The following ANTXR2 variants were observed in gnomAD, a reference collection of about 807,000 sequenced individuals.
ANTXR2 encodes ANTXR cell adhesion molecule 2, also known as anthrax toxin receptor 2.
In ANTXR2, 44 loss-of-function variants were observed where a neutral mutation model predicts 73.7. The observed-to-expected ratio is 0.60, with a 90% CI of 0.47 to 0.77. The LOEUF (loss-of-function observed/expected upper bound fraction) is 0.77. ANTXR2 is among the 30% of genes least tolerant of loss of function. The probability of loss-of-function intolerance (pLI) is 0.00; values close to 1 mark genes in which losing one functional copy is unlikely to be tolerated. For synonymous variants in ANTXR2, 217 were observed against 205.9 expected, an observed-to-expected ratio of 1.05 and a Z score of -0.46; for missense variants, 604 against 592.5, an observed-to-expected ratio of 1.02 and a Z score of -0.20.
chr4:80,035,935 ATT>A (rs1302070855), intron 8 of ANTXR2, 35 bp downstream of exon 8: 14 of 1,484,930 alleles, frequency 9.4e-6, no homozygotes, highest in Non-Finnish European at 1.2e-5. Flanking sequence ...AAAAAATACA[ATT>A]TCTTACATGG....
At chr4:80,016,978 G>A (rs1731902839) in intron 11 of ANTXR2, among the ~76,000 whole-genome samples, 1 of 152,198 alleles carries the variant, frequency 6.6e-6, no homozygotes. Flanking sequence ...CACAGAATTG[G>A]GCTTGATGTT....
chr4:79,935,625 C>T (rs1279611696), intron 16 of ANTXR2, among the ~76,000 whole-genome samples: 2 of 152,306 alleles, frequency 1.3e-5, no homozygotes, highest in African/African-American at 4.8e-5. Context: ...AGATAGTACA[C>T]TGACATTTAT....
At chr4:80,063,954 A>T (rs1734379582) in intron 3 of ANTXR2, among the ~76,000 whole-genome samples, 1 of 152,212 alleles carries the variant, frequency 6.6e-6, no homozygotes, top group African/African-American at 2.4e-5. Context: ...AGACTTACTG[A>T]AAGGAACCTT....
At chr4:80,043,167 T>C (rs993694763) in intron 7 of ANTXR2, among the ~76,000 whole-genome samples, 1 of 152,044 alleles carries the variant, frequency 6.6e-6, no homozygotes, top group African/African-American at 2.4e-5. Flanking sequence ...AATATTCATG[T>C]AACAAAATTA....
chr4:79,989,538 A>T (rs1188579646), intron 12 of ANTXR2, among the ~76,000 whole-genome samples: 1 of 152,134 alleles, frequency 6.6e-6, no homozygotes, highest in Admixed American at 6.6e-5. Context: ...TTCATGGCTG[A>T]ATTCTACCAG....
chr4:79,986,530 G>A (rs1312419422), intron 12 of ANTXR2, among the ~76,000 whole-genome samples: 1 of 152,140 alleles, frequency 6.6e-6, no homozygotes, highest in African/African-American at 2.4e-5. Flanking sequence ...TTTGGGCGTT[G>A]GGACTTGGAT....
intron 12 of ANTXR2, among the ~76,000 whole-genome samples, chr4:80,005,449 C>T (rs1482277511): frequency 6.6e-6 from 1 of 152,084 alleles, no homozygotes; most frequent in Non-Finnish European, 1.5e-5. Context: ...TAATTTAACG[C>T]TACTAAGAAT....
chr4:79,980,054 T>G (rs1271654517), intron 14 of ANTXR2, among the ~76,000 whole-genome samples: 1 of 152,106 alleles, frequency 6.6e-6, no homozygotes, highest in Non-Finnish European at 1.5e-5. Context: ...ACTGGCACTA[T>G]TCTCAGATTA....
intron 16 of ANTXR2, among the ~76,000 whole-genome samples, chr4:79,975,805 GA>G (rs1235993485): frequency 6.6e-6 from 1 of 152,158 alleles, no homozygotes; most frequent in Non-Finnish European, 1.5e-5. Context: ...ATTGGATCAT[GA>G]CAGAGACTGC....
In ANTXR2 at chr4:79,984,806, G is replaced by A; in HGVS notation, c.1086+13C>T. 2 of 1,604,012 alleles carry A rather than the reference G, an allele frequency of 1.2e-6. No individual in the cohort carries two copies. The highest frequency in any genetic ancestry group is 1.7e-6 in the Non-Finnish European group (2 of 1,173,580). On this transcript the variant is annotated intron_variant, in intron 13 of 16. Transcript: ENST00000403729. ...AAAAAACAGCCATATCAGTTTTTTA[G>A]GCACTCACTTACCTCTTTTGGTGCA...
At chr4:80,015,144 C>T (rs906121619) in intron 11 of ANTXR2, among the ~76,000 whole-genome samples, 1 of 152,208 alleles carries the variant, frequency 6.6e-6, no homozygotes, top group Non-Finnish European at 1.5e-5. Context: ...GCCCTGATCA[C>T]TCACGAGATG....
chr4:79,936,194 G>A (rs1171725100), intron 16 of ANTXR2, among the ~76,000 whole-genome samples: 1 of 152,156 alleles, frequency 6.6e-6, no homozygotes, highest in Non-Finnish European at 1.5e-5. Flanking sequence ...GGGTTCAGAT[G>A]TTTTAATCAC....
chr4:79,950,383 A>G (rs1209855206), intron 16 of ANTXR2, among the ~76,000 whole-genome samples: 4 of 152,174 alleles, frequency 2.6e-5, no homozygotes, highest in Non-Finnish European at 2.9e-5. Flanking sequence ...AGGAAGAAAA[A>G]AGGCCACATC....
Position 79,977,650 on chromosome 4 carries a change from A to G in ANTXR2, c.1399T>C (p.Ser467Pro). Residue 467 changes from serine (S) to proline (P), a missense_variant, in exon 16 of 17, where the codon TCT becomes CCT. By Grantham distance (74) the Ser-to-Pro change is moderately conservative (BLOSUM62 -1). Transcript: ENST00000403729. ...ALLRRQYDRVSLMRPQEGDEG... is the reference protein window; with the variant it reads ...ALLRRQYDRVPLMRPQEGDEG... ...TCTCCTTCCTGAGGTCGCATCAAAG[A>G]AACCCGGTCATACTGCCGCCTCAAC... is the stretch of plus-strand genomic sequence containing the variant. 1 of 1,581,728 alleles carries G rather than the reference A, an allele frequency of 6.3e-7. No homozygotes were observed. The highest frequency in any genetic ancestry group is 8.6e-7 in the Non-Finnish European group (1 of 1,162,828).
At chr4:80,020,083 C>T (rs959768919) in intron 10 of ANTXR2, among the ~76,000 whole-genome samples, 3 of 152,062 alleles carry the variant, frequency 2.0e-5, no homozygotes, top group Admixed American at 1.3e-4. Context: ...CAAATCAAAG[C>T]CATCCATCCA....
chr4:79,948,587 A>G (rs1375191177), intron 16 of ANTXR2, among the ~76,000 whole-genome samples: 1 of 152,178 alleles, frequency 6.6e-6, no homozygotes, highest in African/African-American at 2.4e-5. Flanking sequence ...CTCAACCTTC[A>G]ATCTCTGAGA....
At chr4:80,031,535 T>A in intron 10 of ANTXR2, 88 bp downstream of exon 10, 1 of 1,056,540 alleles carries the variant, frequency 9.5e-7, no homozygotes, top group East Asian at 3.2e-5. Flanking sequence ...CAAAAAAAGA[T>A]AGAATAAAAT....
At chr4:79,948,466 G>A (rs927036941) in intron 16 of ANTXR2, among the ~76,000 whole-genome samples, 1 of 152,104 alleles carries the variant, frequency 6.6e-6, no homozygotes, top group African/African-American at 2.4e-5. Flanking sequence ...AAGATACACA[G>A]AAATTCAGAA....
At chr4:80,048,753 A>C (rs954261087) in intron 7 of ANTXR2, among the ~76,000 whole-genome samples, 3 of 151,696 alleles carry the variant, frequency 2.0e-5, no homozygotes, top group Non-Finnish European at 4.4e-5. Context: ...TATAAAATAT[A>C]GTGTTAGACA....
Sources: gnomAD v4.1 joint callset for allele counts (sites outside exome capture counted in the v4.1 genomes callset) on GRCh38, gnomAD v4.1.1 for gene constraint, MANE v1.5 for transcripts, NCBI Gene and HGNC (gene_info 2026-07-23, HGNC 2026-07-21) for gene names.